SLC25A26: variants seen among roughly 807,000 people sequenced by gnomAD.
SLC25A26 encodes mitochondrial S-adenosylmethionine carrier protein.
In SLC25A26, 36 loss-of-function variants were observed where a neutral mutation model predicts 37.8. The ratio of observed to expected loss-of-function variants is 0.95; its 90% CI spans 0.73 to 1.26. SLC25A26 has a LOEUF of 1.26. SLC25A26 is among the 50% of genes most tolerant of loss of function. SLC25A26 has a pLI of 0.00. For synonymous variants in SLC25A26, 129 were observed against 122.5 expected (o/e 1.05, Z -0.35); for missense variants, 390 against 331.1 (o/e 1.18, Z -1.38).
chr3:66,139,978 A>C (rs2106664064), intron 1 of SLC25A26, among the ~76,000 whole-genome samples: 1 of 152,270 alleles, frequency 6.6e-6, no homozygotes, highest in Middle Eastern at 3.4e-3. Context: ...AAAACCCAAA[A>C]ACCTCATTCG....
At chr3:66,184,004 A>G (rs1185592981) in intron 1 of SLC25A26, among the ~76,000 whole-genome samples, 1 of 151,586 alleles carries the variant, frequency 6.6e-6, no homozygotes, top group Non-Finnish European at 1.5e-5. Flanking sequence ...TCTTACCCTT[A>G]CCCTTTCACA....
At chr3:66,290,483 C>A (rs56786178) in intron 5 of SLC25A26, among the ~76,000 whole-genome samples, 1 of 152,002 alleles carries the variant, frequency 6.6e-6, no homozygotes, top group African/African-American at 2.4e-5. Context: ...TTTTGAGATA[C>A]GTCCCATCAA....
At chr3:66,203,252 G>A (rs1187665036) in intron 1 of SLC25A26, among the ~76,000 whole-genome samples, 3 of 152,020 alleles carry the variant, frequency 2.0e-5, no homozygotes, top group African/African-American at 7.2e-5. Context: ...ATGGTGCCAT[G>A]TGTCTGTAGT....
At chr3:66,371,067 G>A in intron 9 of SLC25A26, 1 of 1,307,060 alleles carries the variant, frequency 7.7e-7, no homozygotes, top group African/African-American at 1.5e-5. Flanking sequence ...TGCTACAGAA[G>A]TGCCTCAGAC....
chr3:66,211,135 T>G (rs2071279459), intron 1 of SLC25A26, among the ~76,000 whole-genome samples: 1 of 152,176 alleles, frequency 6.6e-6, no homozygotes, highest in Non-Finnish European at 1.5e-5. Flanking sequence ...ATGTATTCAC[T>G]CATCTTTTAC....
chr3:66,200,064 T>G (rs1407534313), intron 1 of SLC25A26, among the ~76,000 whole-genome samples: 1 of 152,260 alleles, frequency 6.6e-6, no homozygotes, highest in Non-Finnish European at 1.5e-5. Flanking sequence ...TTTTCAAATA[T>G]ACTGCTTTGA....
intron 1 of SLC25A26, among the ~76,000 whole-genome samples, chr3:66,153,143 G>A (rs866446232): frequency 2.1e-4 from 32 of 152,060 alleles, no homozygotes; most frequent in African/African-American, 5.6e-4. Context: ...ATTTTTGGTC[G>A]TCACGACCAA....
At chr3:66,293,744 T>C (rs1306605063) in intron 5 of SLC25A26, among the ~76,000 whole-genome samples, 1 of 152,242 alleles carries the variant, frequency 6.6e-6, no homozygotes, top group African/African-American at 2.4e-5. Flanking sequence ...GGCTGTATAG[T>C]ATTCATGGTA....
At chr3:66,144,265 C>G (rs543498850) in intron 1 of SLC25A26, among the ~76,000 whole-genome samples, 84 of 152,274 alleles carry the variant, frequency 5.5e-4, no homozygotes, top group African/African-American at 2.0e-3. Context: ...AACAATGTCA[C>G]TGTGGCTGGA....
chr3:66,373,970 A>G (rs948176522), intron 9 of SLC25A26, among the ~76,000 whole-genome samples: 2 of 152,048 alleles, frequency 1.3e-5, no homozygotes, highest in Non-Finnish European at 2.9e-5. Flanking sequence ...TCTTCCTGCC[A>G]TGTTTCTCTC....
intron 1 of SLC25A26, among the ~76,000 whole-genome samples, chr3:66,200,754 T>G (rs1171622342): frequency 6.6e-6 from 1 of 152,236 alleles, no homozygotes; most frequent in Non-Finnish European, 1.5e-5. Context: ...CAGAGTTATG[T>G]ATCTTATAAA....
chr3:66,184,899 G>A lies in SLC25A26; in HGVS notation c.-353-35843G>A, dbSNP rs908642487. On this transcript the variant is annotated intron_variant, in intron 1 of 10. Coordinates refer to the SLC25A26 transcript ENST00000676754. ...TCAACCTGACACTGACTCTCACCAA[G>A]ACTCTGACATTCACACTGATCATCA... Among the ~76,000 whole-genome samples the A allele has an allele frequency of 3.8e-4, 58 of 152,060 alleles. 1 individual carries two copies. Among genetic ancestry groups the A allele is most frequent in the Non-Finnish European group, 7.5e-4 (51 of 68,030 alleles).
In SLC25A26 at chr3:66,221,068, T is replaced by A. The variant is rs1448147845; in HGVS notation, c.-27T>A. On this transcript the variant is annotated 5_prime_UTR_variant, in exon 1 of 10. The change creates a premature stop within an existing upstream ORF in the 5' untranslated region. Coordinates refer to ENST00000354883, the MANE Select transcript of SLC25A26 (RefSeq NM_001379210.1). ...GATCCGCTTCTGCTCCGGCTTGGAT[T>A]GTAGCCTTGACGAGGTCTGAGCGAC... 1 of 1,535,538 alleles carries A rather than the reference T, an allele frequency of 6.5e-7. No homozygotes were observed. Among genetic ancestry groups the A allele is most frequent in the Admixed American group, 2.0e-5 (1 of 50,864 alleles).
At chr3:66,270,038 ACGT>A (rs2073903307) in intron 5 of SLC25A26, among the ~76,000 whole-genome samples, 1 of 152,074 alleles carries the variant, frequency 6.6e-6, no homozygotes, top group South Asian at 2.1e-4. Flanking sequence ...ATGCTGCCTG[ACGT>A]CATGATCATT....
intron 6 of SLC25A26, among the ~76,000 whole-genome samples, chr3:66,356,538 G>T (rs1171133992): frequency 6.6e-6 from 1 of 152,124 alleles, no homozygotes; most frequent in Non-Finnish European, 1.5e-5. Context: ...CTCAACTAGG[G>T]TCTGTAGCTT....
intron 1 of SLC25A26, among the ~76,000 whole-genome samples, chr3:66,168,160 A>T (rs189233588): frequency 0.35 from 25,405 of 73,450 alleles, 7,487 homozygotes; most frequent in Middle Eastern, 0.43. Flanking sequence ...TCTCAAAAAA[A>T]ATATATATAT....
chr3:66,263,751 CAGGT>C lies in SLC25A26; in HGVS notation c.453+373_453+376del, dbSNP rs558188210. Among the ~76,000 whole-genome samples, 13 of 152,174 alleles carry C rather than the reference CAGGT, an allele frequency of 8.5e-5. No homozygotes were observed. In the South Asian group the frequency reaches 2.7e-3, roughly 32 times the overall value. ...TCGGCTCACTGCAACCTCCGCCTCCCAGGTTCACGCCATTCTCCTGCGTCAGCCT... is the reference window on the plus strand; with the variant it reads ...TCGGCTCACTGCAACCTCCGCCTCCCTCACGCCATTCTCCTGCGTCAGCCT... On this transcript the variant is annotated intron_variant, in intron 5 of 9. Coordinates refer to ENST00000354883, the MANE Select transcript of SLC25A26 (RefSeq NM_001379210.1).
Position 66,300,067 on chromosome 3 carries a change from A to G in SLC25A26, c.453+36688A>G, listed in dbSNP as rs574577524. 1.7e-3 allele frequency among the ~76,000 whole-genome samples: 255 copies of G among 152,302 alleles called. 1 individual carries two copies. The highest frequency in any genetic ancestry group is 2.6e-3 in the Non-Finnish European group (180 of 68,032). On this transcript the variant is annotated intron_variant, in intron 5 of 9. Coordinates refer to ENST00000354883, the MANE Select transcript of SLC25A26 (RefSeq NM_001379210.1). The stretch of plus-strand genomic sequence containing the variant: ...TCTGGGAAGGGTCAATTGCTTTTAA[A>G]GTCTTTGAAGCTTGCTGTGTCAGCC...
intron 5 of SLC25A26, among the ~76,000 whole-genome samples, chr3:66,335,774 A>T (rs2076080851): frequency 6.6e-6 from 1 of 152,164 alleles, no homozygotes; most frequent in Admixed American, 6.5e-5. Context: ...TCTTCCGACC[A>T]TACAGCAGTA....
Sources: allele counts gnomAD v4.1 joint callset (sites outside exome capture counted in the v4.1 genomes callset), GRCh38; gene constraint gnomAD v4.1.1; transcripts MANE v1.5; gene names NCBI Gene and HGNC (gene_info 2026-07-23, HGNC 2026-07-21).